Variants in ZNF705B observed in about 807,000 individuals in gnomAD.
The protein encoded by ZNF705B is zinc finger protein 705B.
Under a neutral mutation model 10.5 loss-of-function variants are expected in ZNF705B, and 1 was observed. The ratio of observed to expected loss-of-function variants is 0.10; its 90% CI spans 0.03 to 0.45. The LOEUF is 0.45. ZNF705B is among the 20% of genes least tolerant of loss of function. ZNF705B has a pLI of 0.97. For missense variants in ZNF705B, 14 were observed against 84.0 expected (o/e 0.17, Z 3.26); for synonymous variants, 4 against 25.4 (o/e 0.16, Z 2.53).
At chr8:7,940,485 AG>A in intron 2 of ZNF705B, among the ~76,000 whole-genome samples, 1 of 116,214 alleles carries the variant, frequency 8.6e-6, no homozygotes, top group African/African-American at 2.8e-5. Context: ...GCAAATTTTA[AG>A]TATTTAATAC....
rs1554594877 is a variant in ZNF705B at position 7,935,509 on chromosome 8, C to CTT, written c.-72+5082_-72+5083dup. Among the ~76,000 whole-genome samples, 131 of 95,218 alleles carry CTT rather than the reference C, an allele frequency of 1.4e-3. 2 individuals carry two copies. The highest frequency in any genetic ancestry group is 2.9e-3 in the African/African-American group (95 of 33,048). 62.5% of individuals were successfully genotyped at this position (95,218 alleles called of 152,430 possible). A position where few individuals can be genotyped will look rare whatever the true frequency, so the allele number is the denominator to read the frequency against. On this transcript the variant is annotated intron_variant, in intron 2 of 6. Coordinates refer to ENST00000400120, the MANE Select transcript of ZNF705B (RefSeq NM_001193630.1). ...AGTAAGAGAGGTATAAAAACCAGCA[C>CTT]TTTTTTTTTTCTATTCTGGAACACA...
At chr8:7,937,196 C>A (rs1180236909) in intron 2 of ZNF705B, among the ~76,000 whole-genome samples, 2 of 118,206 alleles carry the variant, frequency 1.7e-5, no homozygotes, top group South Asian at 2.9e-4. Context: ...ATAGGGACAG[C>A]ACTAAGGCTT....
chr8:7,926,666 G>A (rs1311425525), intron 1 of ZNF705B, among the ~76,000 whole-genome samples: 2 of 107,402 alleles, frequency 1.9e-5, no homozygotes, highest in Non-Finnish European at 2.2e-5. Context: ...GAACATTTGG[G>A]AAGTGATTAA....
rs1299939606 is a variant in ZNF705B, at chr8:7,929,125, A to G, written c.-221-1162A>G. ...AAGAGAGAGAATTTAACCTCTCCTT[A>G]ATGATTCATGTAGCACTTTCATATC... On this transcript the variant is annotated intron_variant, in intron 1 of 6. Transcript: ENST00000400120. 4.1e-5 allele frequency among the ~76,000 whole-genome samples: 5 copies of G among 121,872 alleles called. 2 individuals are homozygous for G. In the East Asian group the frequency reaches 1.2e-3, roughly 28 times the overall value. 80.0% of individuals were successfully genotyped at this position (121,872 alleles called of 152,430 possible).
intron 2 of ZNF705B, among the ~76,000 whole-genome samples, chr8:7,932,972 C>G (rs1819892272): frequency 8.8e-6 from 1 of 114,258 alleles, no homozygotes; most frequent in East Asian, 2.5e-4. Context: ...AATGTCCCCT[C>G]TGTCTCCCGC....
chr8:7,927,739 T>C (rs1364029810), intron 1 of ZNF705B, among the ~76,000 whole-genome samples: 4 of 147,242 alleles, frequency 2.7e-5, no homozygotes, highest in Non-Finnish European at 6.1e-5. Flanking sequence ...AAACCAGGGT[T>C]ATCTGACTTT....
chr8:7,926,618 CT>C (rs1819694517), intron 1 of ZNF705B, among the ~76,000 whole-genome samples: 1 of 101,248 alleles, frequency 9.9e-6, no homozygotes, highest in African/African-American at 2.8e-5. Flanking sequence ...AAAATTCATG[CT>C]GAAATCTAAT....
intron 1 of ZNF705B, among the ~76,000 whole-genome samples, chr8:7,927,850 C>A (rs1336706781): frequency 6.9e-6 from 1 of 144,006 alleles, no homozygotes; most frequent in African/African-American, 2.5e-5. Flanking sequence ...GTCTACATCT[C>A]ATCAACAATC....
rs1481750697 is a variant in ZNF705B, at chr8:7,928,733, G to A, written c.-221-1554G>A. ...TGGTAAGAGCCTGCCTAGAATTATC[G>A]CTTTTAACCAGGTAGCAAAAAAAAA... On this transcript the variant is annotated intron_variant, in intron 1 of 6. Coordinates refer to ENST00000400120, the MANE Select transcript of ZNF705B (RefSeq NM_001193630.1). Among the ~76,000 whole-genome samples, 18 of 50,096 alleles carry A rather than the reference G, an allele frequency of 3.6e-4. 1 individual carries two copies. The highest frequency in any genetic ancestry group is 1.9e-3 in the East Asian group (3 of 1,542). The allele number at this position is 50,096 out of a possible 152,430, so 32.9% of individuals were successfully genotyped here. A position where few individuals can be genotyped will look rare whatever the true frequency, so the allele number is the denominator to read the frequency against.
Position 7,927,346 on chromosome 8 carries a change from T to C in ZNF705B, c.-222+949T>C, listed in dbSNP as rs1270759858. Among the ~76,000 whole-genome samples, 8 of 121,114 alleles carry C rather than the reference T, an allele frequency of 6.6e-5. 1 individual carries two copies. Among genetic ancestry groups the C allele is most frequent in the African/African-American group, 2.0e-4 (8 of 39,900 alleles). The allele number at this position is 121,114 out of a possible 152,430, so 79.5% of individuals were successfully genotyped here. ...GGAGGAAAGTAGTATCTTGTGTGAT[T>C]TCAGGTATCCAGAAGTTGACTTAAA... On this transcript the variant is annotated intron_variant, in intron 1 of 6. Transcript: ENST00000400120.
intron 2 of ZNF705B, among the ~76,000 whole-genome samples, chr8:7,940,392 CA>C (rs1209867299): frequency 2.8e-5 from 4 of 141,098 alleles, no homozygotes; most frequent in Admixed American, 1.5e-4. Context: ...CCATATCCTT[CA>C]CCTCCCTAAG....
chr8:7,929,976 G>A (rs1819797078), intron 1 of ZNF705B, among the ~76,000 whole-genome samples: 1 of 96,538 alleles, frequency 1.0e-5, no homozygotes, highest in Non-Finnish European at 2.5e-5. Flanking sequence ...CTCTATGTAT[G>A]TTCATTTTTT....
chr8:7,927,664 G>A (rs1255373595), intron 1 of ZNF705B, among the ~76,000 whole-genome samples: 2 of 131,664 alleles, frequency 1.5e-5, no homozygotes, highest in African/African-American at 5.0e-5. Flanking sequence ...AGACACTGGA[G>A]CTTTGAAAGG....
In ZNF705B at chr8:7,935,864, G is replaced by A. The variant is rs1337192111; in HGVS notation, c.-72+5428G>A. 2.3e-3 allele frequency among the ~76,000 whole-genome samples: 213 copies of A among 91,592 alleles called. 10 individuals are homozygous for A. The highest frequency in any genetic ancestry group is 5.3e-3 in the African/African-American group (192 of 36,354). 60.1% of individuals were successfully genotyped at this position (91,592 alleles called of 152,430 possible). A position where few individuals can be genotyped will look rare whatever the true frequency, so the allele number is the denominator to read the frequency against. ...TTATCTGTAAGTAGTCAGCTATTAC[G>A]TATAGTAGTACCCAAGCCCACTGGC... On this transcript the variant is annotated intron_variant, in intron 2 of 6. Transcript: ENST00000400120.
chr8:7,941,208 A>G (rs1159818078), intron 2 of ZNF705B, among the ~76,000 whole-genome samples: 3 of 145,404 alleles, frequency 2.1e-5, no homozygotes, highest in Admixed American at 1.4e-4. Flanking sequence ...TATACCCAGT[A>G]ATGGGATTGC....
intron 1 of ZNF705B, among the ~76,000 whole-genome samples, chr8:7,926,966 C>T (rs1453416936): frequency 4.3e-5 from 5 of 115,870 alleles, no homozygotes; most frequent in African/African-American, 1.3e-4. Context: ...GTATAACCTG[C>T]ATTGACTTGC....
chr8:7,927,970 TCTTC>T (rs1347198706), intron 1 of ZNF705B, among the ~76,000 whole-genome samples: 1 of 138,856 alleles, frequency 7.2e-6, no homozygotes, highest in Non-Finnish European at 1.6e-5. Context: ...TTCCTTCTTT[TCTTC>T]CTTCCTTCCT....
intron 2 of ZNF705B, among the ~76,000 whole-genome samples, chr8:7,931,129 A>C (rs1226673409): frequency 8.3e-6 from 1 of 121,152 alleles, no homozygotes; most frequent in African/African-American, 2.5e-5. Context: ...CTAGGATTAC[A>C]GGTGTGAGTC....
In ZNF705B at chr8:7,936,224, C is replaced by T. The variant is rs537164506; in HGVS notation, c.-72+5788C>T. Among the ~76,000 whole-genome samples the T allele has an allele frequency of 2.5e-4, 30 of 119,504 alleles. 3 individuals carry two copies. Among genetic ancestry groups the T allele is most frequent in the Middle Eastern group, 4.5e-3 (1 of 222 alleles). 78.4% of individuals were successfully genotyped at this position (119,504 alleles called of 152,430 possible). Reference sequence around the variant, plus strand: ...TTTTCTAACTTGCAATATGTTTGTGCGGAAATTTGTTGTTACTCTCGGTTC... The same window carrying T: ...TTTTCTAACTTGCAATATGTTTGTGTGGAAATTTGTTGTTACTCTCGGTTC... On this transcript the variant is annotated intron_variant, in intron 2 of 6. Coordinates refer to ENST00000400120, the MANE Select transcript of ZNF705B (RefSeq NM_001193630.1).
Sources: allele counts gnomAD v4.1 joint callset (sites outside exome capture counted in the v4.1 genomes callset), GRCh38; gene constraint gnomAD v4.1.1; transcripts MANE v1.5; gene names NCBI Gene and HGNC (gene_info 2026-07-23, HGNC 2026-07-21).